Variants in MAGI2 observed in about 807,000 individuals in gnomAD.
MAGI2 encodes membrane associated guanylate kinase, WW and PDZ domain containing 2, also known as membrane-associated guanylate kinase, WW and PDZ domain-containing protein 2.
Under a neutral mutation model 133.3 loss-of-function variants are expected in MAGI2, and 35 were observed. The ratio of observed to expected loss-of-function variants is 0.26; its 90% CI spans 0.20 to 0.35. MAGI2 has a LOEUF of 0.35. Ranked by LOEUF, MAGI2 falls within the 10% of genes least tolerant of loss-of-function variation. The probability of loss-of-function intolerance (pLI) is 1.00; values close to 1 mark genes in which losing one functional copy is unlikely to be tolerated. For missense variants in MAGI2, 1,636 were observed against 1,863.4 expected, an observed-to-expected ratio of 0.88 and a Z score of 2.25; for synonymous variants, 729 against 710.6, an observed-to-expected ratio of 1.03 and a Z score of -0.41.
intron 2 of MAGI2, among the ~76,000 whole-genome samples, chr7:78,750,991 A>G (rs1424329671): frequency 2.0e-5 from 3 of 152,194 alleles, no homozygotes; most frequent in Non-Finnish European, 4.4e-5. Context: ...AAATAATGTT[A>G]AAGATTTGTC....
chr7:78,142,714 A>G (rs964434319), intron 16 of MAGI2, among the ~76,000 whole-genome samples: 26 of 152,166 alleles, frequency 1.7e-4, no homozygotes, highest in Admixed American at 3.9e-4. Context: ...TTTTCTCCTC[A>G]CAGTCTGACA....
intron 2 of MAGI2, among the ~76,000 whole-genome samples, chr7:78,658,267 T>A (rs1388509048): frequency 1.4e-5 from 2 of 143,960 alleles, no homozygotes; most frequent in African/African-American, 5.2e-5. Flanking sequence ...CAACTGAATA[T>A]CCATAGGCAA....
intron 1 of MAGI2, among the ~76,000 whole-genome samples, chr7:79,387,873 G>C (rs1844303885): frequency 6.6e-6 from 1 of 151,666 alleles, no homozygotes; most frequent in African/African-American, 2.4e-5. Context: ...CAATAATCAA[G>C]TCAAATATTT....
chr7:78,823,998 T>A (rs542293021), intron 2 of MAGI2, among the ~76,000 whole-genome samples: 205 of 152,314 alleles, frequency 1.3e-3, no homozygotes, highest in Middle Eastern at 0.01. Context: ...TTTCTCAGAT[T>A]AGTCTTTTTG....
At chr7:78,788,818 G>T (rs555452568) in intron 2 of MAGI2, among the ~76,000 whole-genome samples, 11 of 152,086 alleles carry the variant, frequency 7.2e-5, no homozygotes, top group Non-Finnish European at 1.6e-4. Context: ...ATCTTTATAT[G>T]ATGTTACTCC....
At chr7:79,131,615 G>C (rs1370906348) in intron 1 of MAGI2, among the ~76,000 whole-genome samples, 1 of 152,110 alleles carries the variant, frequency 6.6e-6, no homozygotes, top group Non-Finnish European at 1.5e-5. Flanking sequence ...TTGAACTTGG[G>C]TTTGCTAACT....
chr7:78,664,280 T>C (rs1368582091), intron 2 of MAGI2, among the ~76,000 whole-genome samples: 2 of 152,236 alleles, frequency 1.3e-5, no homozygotes, highest in Non-Finnish European at 2.9e-5. Flanking sequence ...ACCAGTTATA[T>C]ACAGCACTAA....
chr7:78,600,059 T>C (rs1397706124), intron 3 of MAGI2, among the ~76,000 whole-genome samples: 4 of 152,214 alleles, frequency 2.6e-5, no homozygotes, highest in Non-Finnish European at 5.9e-5. Context: ...ATGTTTGTTC[T>C]TGGTCTTTTT....
At chr7:79,370,835 G>A (rs1282543202) in intron 1 of MAGI2, among the ~76,000 whole-genome samples, 1 of 151,882 alleles carries the variant, frequency 6.6e-6, no homozygotes, top group East Asian at 1.9e-4. Flanking sequence ...ACAGAAACAC[G>A]GCACTCCCCT....
intron 1 of MAGI2, among the ~76,000 whole-genome samples, chr7:79,340,669 T>G (rs1198711722): frequency 6.6e-6 from 1 of 152,120 alleles, no homozygotes; most frequent in Admixed American, 6.6e-5. Flanking sequence ...GGAAGAGTTG[T>G]TTTTTCCTAG....
chr7:78,451,319 G>T (rs1221234910), intron 6 of MAGI2, among the ~76,000 whole-genome samples: 1 of 152,050 alleles, frequency 6.6e-6, no homozygotes, highest in Non-Finnish European at 1.5e-5. Flanking sequence ...AAACGAGAGG[G>T]TTCCTCCTGG....
intron 1 of MAGI2, among the ~76,000 whole-genome samples, chr7:79,077,646 T>C (rs1317876771): frequency 6.7e-6 from 1 of 150,330 alleles, no homozygotes; most frequent in Non-Finnish European, 1.5e-5. Context: ...GCTTGGATTA[T>C]TTATAATAAA....
At chr7:79,451,149 A>G (rs1316323016) in intron 1 of MAGI2, among the ~76,000 whole-genome samples, 5 of 152,230 alleles carry the variant, frequency 3.3e-5, no homozygotes, top group Non-Finnish European at 7.3e-5. Flanking sequence ...CGTCCGCCTC[A>G]ACAAGGAGTG....
At chr7:78,538,010 T>C (rs1177950538) in intron 3 of MAGI2, among the ~76,000 whole-genome samples, 1 of 152,222 alleles carries the variant, frequency 6.6e-6, no homozygotes, top group Non-Finnish European at 1.5e-5. Context: ...CTTGAGTTGA[T>C]TTTTGTATAA....
chr7:79,086,898 T>C (rs1816552367), intron 1 of MAGI2, among the ~76,000 whole-genome samples: 1 of 151,756 alleles, frequency 6.6e-6, no homozygotes, highest in Non-Finnish European at 1.5e-5. Flanking sequence ...GGTGCAGACA[T>C]TTTAGTCCAC....
intron 9 of MAGI2, among the ~76,000 whole-genome samples, chr7:78,298,882 C>G (rs1797573459): frequency 7.4e-6 from 1 of 134,488 alleles, no homozygotes; most frequent in Non-Finnish European, 1.5e-5. Context: ...GTGGTGCAAT[C>G]TCAGCTCACT....
rs1414950527 is a variant in MAGI2 at position 78,728,635 on chromosome 7, G to A, written c.419-101396C>T. 5.9e-4 allele frequency among the ~76,000 whole-genome samples: 46 copies of A among 78,566 alleles called. 5 individuals are homozygous for A. Among genetic ancestry groups the A allele is most frequent in the Middle Eastern group, 9.8e-3 (1 of 102 alleles). 51.5% of individuals were successfully genotyped at this position (78,566 alleles called of 152,430 possible). ...GGCTGGAGTGCAGTGGCGGGATCTC[G>A]GCTCAGTGCAAGCTCCGCCTCCCGG... On this transcript the variant is annotated intron_variant, in intron 2 of 21. Transcript: ENST00000354212.
At chr7:78,748,630 C>T (rs1823155131) in intron 2 of MAGI2, among the ~76,000 whole-genome samples, 1 of 152,024 alleles carries the variant, frequency 6.6e-6, no homozygotes, top group South Asian at 2.1e-4. Context: ...CTGGACATGA[C>T]ATTAGTTTGT....
intron 3 of MAGI2, among the ~76,000 whole-genome samples, chr7:78,565,466 T>C (rs2150750519): frequency 6.9e-6 from 1 of 145,198 alleles, no homozygotes; most frequent in Non-Finnish European, 1.5e-5. Flanking sequence ...ACCCCATCTC[T>C]AAAACGCTAA....
Sources: allele counts gnomAD v4.1 joint callset (sites outside exome capture counted in the v4.1 genomes callset), GRCh38; gene constraint gnomAD v4.1.1; transcripts MANE v1.5; gene names NCBI Gene and HGNC (gene_info 2026-07-23, HGNC 2026-07-21).